RELN: variants seen among roughly 807,000 people sequenced by gnomAD.
RELN encodes reelin.
Under a neutral mutation model 427.6 loss-of-function variants are expected in RELN, and 108 were observed. The observed-to-expected ratio is 0.25, with a 90% CI of 0.22 to 0.30. The LOEUF (loss-of-function observed/expected upper bound fraction) is 0.30, where lower values mean the gene tolerates loss of function less well. Among genes scored for constraint, RELN ranks in the 10% least tolerant of loss-of-function variants. The probability of loss-of-function intolerance (pLI) is 1.00; values close to 1 mark genes in which losing one functional copy is unlikely to be tolerated. For missense variants in RELN, 3,715 were observed against 4,302.8 expected, an observed-to-expected ratio of 0.86 and a Z score of 3.82; for synonymous variants, 1,524 against 1,513.4, an observed-to-expected ratio of 1.01 and a Z score of -0.16.
intron 20 of RELN, among the ~76,000 whole-genome samples, chr7:103,622,187 A>C (rs1473001357): frequency 6.6e-6 from 1 of 152,190 alleles, no homozygotes; most frequent in Non-Finnish European, 1.5e-5. Flanking sequence ...CCAAATGAAA[A>C]TTTTTAGAGA....
intron 3 of RELN, among the ~76,000 whole-genome samples, chr7:103,809,248 A>G (rs1262017122): frequency 6.6e-6 from 1 of 152,206 alleles, no homozygotes; most frequent in African/African-American, 2.4e-5. Flanking sequence ...AGACCAACAA[A>G]GTCTCAAAAA....
intron 44 of RELN, 57 bp from the exon 45 acceptor site, chr7:103,539,384 G>C (rs1830126293): frequency 6.4e-7 from 1 of 1,563,432 alleles, no homozygotes; most frequent in African/African-American, 1.4e-5. Flanking sequence ...GAAATGGAAA[G>C]TTCTGCCTTT....
intron 2 of RELN, among the ~76,000 whole-genome samples, chr7:103,877,934 C>T (rs1428148857): frequency 4.0e-5 from 6 of 149,568 alleles, no homozygotes; most frequent in African/African-American, 1.5e-4. Flanking sequence ...TGGCTCACTG[C>T]GACCTCTGCC....
At position 103,500,798 on chromosome 7, in the gene RELN, T is replaced by C. The variant is rs765151646; in HGVS notation, c.8614A>G (p.Ile2872Val). ...GGCCCTGAGTATCCCGGATCACAGA[T>C]GCACTGTTCCCTTAAGCAATCTCCA... ...GHGDCLREQC[I>V]CDPGYSGPNC... Residue 2872 changes from isoleucine (I) to valine (V), a missense_variant, in exon 53 of 65, where the codon ATC becomes GTC. Coordinates refer to ENST00000428762, the MANE Select transcript of RELN (RefSeq NM_005045.4). The C allele has an allele frequency of 3.7e-6, 6 of 1,614,038 alleles. No individual in the cohort carries two copies. The East Asian group carries it at 8.9e-5, about 24-fold the overall frequency.
At chr7:103,632,803 T>C (rs1461725609) in intron 19 of RELN, among the ~76,000 whole-genome samples, 1 of 149,410 alleles carries the variant, frequency 6.7e-6, no homozygotes, top group Non-Finnish European at 1.5e-5. Flanking sequence ...AAGATCAAAT[T>C]GTTTAAAAAA....
intron 61 of RELN, among the ~76,000 whole-genome samples, chr7:103,484,804 T>C (rs936746279): frequency 5.9e-5 from 9 of 152,306 alleles, no homozygotes; most frequent in African/African-American, 2.2e-4. Context: ...ACAATATTTA[T>C]GCTGCATTCT....
At chr7:103,890,904 C>A (rs1253003889) in intron 2 of RELN, among the ~76,000 whole-genome samples, 6 of 152,014 alleles carry the variant, frequency 3.9e-5, no homozygotes. Flanking sequence ...GGTGAAACCC[C>A]GTCTCTACTA....
intron 2 of RELN, among the ~76,000 whole-genome samples, chr7:103,864,865 T>C (rs753217844): frequency 2.0e-5 from 3 of 150,240 alleles, no homozygotes; most frequent in Non-Finnish European, 4.4e-5. Flanking sequence ...GTCATTACAA[T>C]TGATGCCACA....
intron 3 of RELN, among the ~76,000 whole-genome samples, chr7:103,816,862 T>G (rs927403090): frequency 1.3e-5 from 2 of 152,092 alleles, no homozygotes; most frequent in Non-Finnish European, 2.9e-5. Context: ...ATATTTCTTT[T>G]TTTTCTTGAG....
chr7:103,652,858 G>T, intron 13 of RELN, 99 bp from the exon 14 acceptor site: 1 of 1,028,940 alleles, frequency 9.7e-7, no homozygotes, highest in Non-Finnish European at 1.5e-6. Flanking sequence ...GTACATAACT[G>T]CCATTTATTA....
At chr7:103,843,121 G>C (rs928119264) in intron 2 of RELN, among the ~76,000 whole-genome samples, 15 of 152,152 alleles carry the variant, frequency 9.9e-5, no homozygotes, top group African/African-American at 3.6e-4. Flanking sequence ...GCTGTGAAGA[G>C]TAAGTGAGTG....
At chr7:103,739,183 C>T (rs963183550) in intron 6 of RELN, among the ~76,000 whole-genome samples, 3 of 152,096 alleles carry the variant, frequency 2.0e-5, no homozygotes, top group Non-Finnish European at 4.4e-5. Flanking sequence ...TCAAAAAAAT[C>T]AAGAATTTCC....
chr7:103,748,441 C>G (rs1584461182), intron 6 of RELN, among the ~76,000 whole-genome samples: 2 of 152,162 alleles, frequency 1.3e-5, no homozygotes, highest in African/African-American at 4.8e-5. Context: ...AAACTCCCAC[C>G]AGAGTCATCT....
At chr7:103,801,446 T>C (rs183239537) in intron 3 of RELN, among the ~76,000 whole-genome samples, 262 of 152,060 alleles carry the variant, frequency 1.7e-3, no homozygotes, top group Non-Finnish European at 2.9e-3. Context: ...TGGATGAAAA[T>C]GGAAACCATC....
intron 3 of RELN, among the ~76,000 whole-genome samples, chr7:103,807,513 G>A (rs1364870761): frequency 6.6e-6 from 1 of 152,050 alleles, no homozygotes; most frequent in African/African-American, 2.4e-5. Flanking sequence ...TTGTCACATG[G>A]GTAAATTGCA....
At chr7:103,712,270 G>A (rs1446364423) in intron 8 of RELN, among the ~76,000 whole-genome samples, 3 of 142,808 alleles carry the variant, frequency 2.1e-5, no homozygotes, top group African/African-American at 7.3e-5. Context: ...ACAGAGCCAG[G>A]AAGTTTCTGA....
chr7:103,846,734 T>C (rs893326007), intron 2 of RELN, among the ~76,000 whole-genome samples: 21 of 151,994 alleles, frequency 1.4e-4, no homozygotes, highest in Admixed American at 1.3e-3. Flanking sequence ...TTTACAAGAA[T>C]AAGACAAACA....
At chr7:103,599,382 C>A (rs1471664307) in intron 24 of RELN, among the ~76,000 whole-genome samples, 3 of 152,026 alleles carry the variant, frequency 2.0e-5, no homozygotes, top group Non-Finnish European at 2.9e-5. Context: ...GGCTGCAGAC[C>A]CAGTTCTGAT....
At chr7:103,570,482 T>C (rs1487948195) in intron 31 of RELN, among the ~76,000 whole-genome samples, 2 of 152,246 alleles carry the variant, frequency 1.3e-5, no homozygotes, top group Non-Finnish European at 2.9e-5. Flanking sequence ...CATCAGCCTA[T>C]TTGTTTCTGT....
Sources: gnomAD v4.1 joint callset for allele counts (sites outside exome capture counted in the v4.1 genomes callset) on GRCh38, gnomAD v4.1.1 for gene constraint, MANE v1.5 for transcripts, NCBI Gene and HGNC (gene_info 2026-07-23, HGNC 2026-07-21) for gene names.